FAM151A: variants seen among roughly 807,000 people sequenced by gnomAD.
FAM151A encodes family with sequence similarity 151 member A, also known as protein FAM151A.
A neutral mutation model predicts 40.4 loss-of-function variants in FAM151A; 41 were observed. The observed-to-expected ratio is 1.01, with a 90% CI of 0.79 to 1.32. FAM151A has a LOEUF of 1.32. FAM151A is among the 40% of genes most tolerant of loss of function. The probability of loss-of-function intolerance (pLI) is 0.00; values close to 1 mark genes in which losing one functional copy is unlikely to be tolerated. For synonymous variants in FAM151A, 337 were observed against 312.5 expected, an observed-to-expected ratio of 1.08 and a Z score of -0.83; for missense variants, 740 against 740.4, an observed-to-expected ratio of 1.00 and a Z score of 0.01.
chr1:54,620,876 A>AAAAAAAAAAAAC, intron 1 of FAM151A, among the ~76,000 whole-genome samples: 1 of 141,066 alleles, frequency 7.1e-6, no homozygotes, highest in Admixed American at 7.3e-5. Context: ...AAAAAAAAAA[A>AAAAAAAAAAAAC]AGGCTGGGTT....
chr1:54,620,672 A>G (rs1644220736), intron 1 of FAM151A, among the ~76,000 whole-genome samples: 2 of 142,596 alleles, frequency 1.4e-5, no homozygotes, highest in East Asian at 4.3e-4. Flanking sequence ...TGGTGAAACC[A>G]TGTCTCTACT....
intron 2 of FAM151A, among the ~76,000 whole-genome samples, chr1:54,619,086 T>C (rs1644203043): frequency 6.6e-6 from 1 of 152,186 alleles, no homozygotes. Flanking sequence ...GGAAGGAGTT[T>C]GCTTGAGCAG....
chr1:54,610,159 ACTCAGC>A (rs1644100581), intron 7 of FAM151A: 104 of 1,432,606 alleles, frequency 7.3e-5, no homozygotes, highest in Non-Finnish European at 9.1e-5. Flanking sequence ...TTTACCCATG[ACTCAGC>A]CTGGGGGCTG....
intron 3 of FAM151A, among the ~76,000 whole-genome samples, chr1:54,615,478 C>T (rs1358817979): frequency 6.6e-6 from 1 of 151,810 alleles, no homozygotes; most frequent in Non-Finnish European, 1.5e-5. Flanking sequence ...TCATGGTAGT[C>T]AAGGGAAGCC....
Position 54,614,705 on chromosome 1 carries a change from G to A in FAM151A, c.570C>T (p.Ala190=). 1.2e-6 allele frequency: 2 copies of A among 1,612,244 alleles called. No individual in the cohort carries two copies. Among genetic ancestry groups the A allele is most frequent in the Non-Finnish European group, 1.7e-6 (2 of 1,178,810 alleles). ...ACAGAGAGGCGAACACTCACTGTGT[G>A]GCATTGACCTCAGTTGAGATGAGCA... The part of the protein sequence containing the change: ...PNMLISTEVN[A]TQFLALVQEK... Residue 190 remains alanine (A), a synonymous_variant, in exon 4 of 8, where the codon GCC becomes GCT. Transcript: ENST00000302250.
chr1:54,610,430 C>T lies in FAM151A; in HGVS notation c.1066G>A (p.Ala356Thr). ...VPDVQGSGKT[A>T]TMTLPDTEGM... The stretch of plus-strand genomic sequence containing the variant: ...ACCTTACCTGGGAGGGTCATTGTTG[C>T]TGTTTTACCGCTGCCCTGGACGTCA... The change falls in exon 7 of 8, where the codon GCA (alanine) becomes ACA (threonine). Residue 356 changes from alanine (A) to threonine (T), a missense_variant. By Grantham distance (58) the Ala-to-Thr change is moderately conservative (BLOSUM62 0). Transcript: ENST00000302250. The T allele has an allele frequency of 6.2e-7, 1 of 1,613,452 alleles. No individual in the cohort carries two copies. Among genetic ancestry groups the T allele is most frequent in the Non-Finnish European group, 8.5e-7 (1 of 1,179,600 alleles).
intron 5 of FAM151A, 98 bp downstream of exon 5, chr1:54,612,388 G>T (rs374611404): frequency 1.2e-6 from 1 of 847,558 alleles, no homozygotes; most frequent in Non-Finnish European, 1.9e-6. Context: ...GGGGTTGGAC[G>T]AAATGACCTT....
Position 54,623,427 on chromosome 1 carries a change from C to T in FAM151A, c.-32G>A, listed in dbSNP as rs762877374. 71 of 1,557,350 alleles carry T rather than the reference C, an allele frequency of 4.6e-5. No homozygotes were observed. In the Admixed American group the frequency reaches 9.1e-4, roughly 20 times the overall value. ...GCTCTCTGGGGAATGCCCCCAACTC[C>T]GTGCGGCCCAGAGTCCCTGAGGCTC... On this transcript the variant is annotated 5_prime_UTR_variant, in exon 1 of 8. Coordinates refer to ENST00000302250, the MANE Select transcript of FAM151A (RefSeq NM_176782.3).
At position 54,614,716 on chromosome 1, in the gene FAM151A, C is replaced by T. The variant is rs762312924; in HGVS notation, c.559G>A (p.Glu187Lys). The T allele has an allele frequency of 6.2e-7, 1 of 1,613,612 alleles. No homozygotes were observed. The highest frequency in any genetic ancestry group is 8.5e-7 in the Non-Finnish European group (1 of 1,179,762). The change falls in exon 4 of 8, where the codon GAG becomes AAG. Residue 187 changes from glutamate (E) to lysine (K), a missense_variant. Physicochemically the swap from Glu to Lys is moderately conservative, Grantham distance 56. Transcript: ENST00000302250. ...LKGPNMLIST[E>K]VNATQFLALV... is the part of the protein sequence containing the mutation. ...AACACTCACTGTGTGGCATTGACCTCAGTTGAGATGAGCATGTTGGGGCCC... is the reference window on the plus strand; with the variant it reads ...AACACTCACTGTGTGGCATTGACCTTAGTTGAGATGAGCATGTTGGGGCCC...
Position 54,610,562 on chromosome 1 carries a change from G to A in FAM151A, c.941-7C>T, listed in dbSNP as rs1644107174. On this transcript the variant is annotated splice_region_variant and splice_polypyrimidine_tract_variant and intron_variant, in intron 6 of 7. Transcript: ENST00000302250. ...GGTTTCCGTGTGGCATTCACTGTGG[G>A]GCCCCAAATCGCCAAGGTGAAGTGG... 6.2e-7 allele frequency: 1 copy of A among 1,609,052 alleles called. No individual in the cohort carries two copies. The highest frequency in any genetic ancestry group is 8.5e-7 in the Non-Finnish European group (1 of 1,176,960).
chr1:54,617,709 A>ATTTTTTTTT lies in FAM151A; in HGVS notation c.263-1546_263-1538dup, dbSNP rs56229276. Among the ~76,000 whole-genome samples, 41 of 55,762 alleles carry ATTTTTTTTT rather than the reference A, an allele frequency of 7.4e-4. 4 individuals are homozygous for ATTTTTTTTT. The highest frequency in any genetic ancestry group is 9.1e-4 in the Non-Finnish European group (30 of 32,904). 36.6% of individuals were successfully genotyped at this position (55,762 alleles called of 152,430 possible). On this transcript the variant is annotated intron_variant, in intron 2 of 7. Transcript: ENST00000302250. ...CACTAGGTCTGCAGCAGGGCCTGAG[A>ATTTTTTTTT]TTTTTTTTTTTTTTTTTTTTTTTTT...
intron 1 of FAM151A, among the ~76,000 whole-genome samples, chr1:54,622,749 T>TTGGGGA (rs774687136): frequency 4.8e-4 from 72 of 150,642 alleles, no homozygotes; most frequent in Non-Finnish European, 9.5e-4. Flanking sequence ...TCAAAAAAAA[T>TTGGGGA]AGTTAACGGG....
At chr1:54,610,623 G>T in intron 6 of FAM151A, 68 bp from the exon 7 acceptor site, 1 of 1,569,138 alleles carries the variant, frequency 6.4e-7, no homozygotes, top group Non-Finnish European at 8.6e-7. Flanking sequence ...GGTTGCTAGG[G>T]TCCCATAGGC....
chr1:54,609,226 AGCCTCC>A lies in FAM151A; in HGVS notation c.*36_*41del, dbSNP rs750636549. 4.9e-5 allele frequency: 78 copies of A among 1,590,620 alleles called. No homozygotes were observed. Among genetic ancestry groups the A allele is most frequent in the South Asian group, 3.6e-4 (31 of 87,090 alleles). Reference sequence around the variant, plus strand: ...TATTTCTTCCTGCCTCCCCGTGGGAAGCCTCCGCCCTGAGGTCCGCTGGCCCACCAC... The same window carrying A: ...TATTTCTTCCTGCCTCCCCGTGGGAAGCCCTGAGGTCCGCTGGCCCACCAC... On this transcript the variant is annotated 3_prime_UTR_variant, in exon 8 of 8. Coordinates refer to ENST00000302250, the MANE Select transcript of FAM151A (RefSeq NM_176782.3).
intron 3 of FAM151A, 107 bp downstream of exon 3, chr1:54,615,913 G>T: frequency 8.5e-7 from 1 of 1,169,960 alleles, no homozygotes; most frequent in Non-Finnish European, 1.2e-6. Flanking sequence ...AAGGCAATGA[G>T]CACCTCGTGT....
rs1387059420 is a variant in FAM151A, at chr1:54,611,744, A to C, written c.802T>G (p.Tyr268Asp). 4 of 1,613,958 alleles carry C rather than the reference A, an allele frequency of 2.5e-6. No homozygotes were observed. In the South Asian group the frequency reaches 4.4e-5, roughly 18 times the overall value. ...GCAGCCTGCCACAGCGTCAGGCTGT[A>C]CCTGGGGACACGAGAGCTGGCTCAG... ...FSWLLSQSERYSLTLWQAASD... is the reference protein window; with the variant it reads ...FSWLLSQSERDSLTLWQAASD... The change falls in exon 6 of 8, where the codon TAC (tyrosine) becomes GAC (aspartate). Residue 268 changes from tyrosine to aspartate, a missense_variant and splice_region_variant. By Grantham distance (160) the Tyr-to-Asp change is radical. Coordinates refer to ENST00000302250, the MANE Select transcript of FAM151A (RefSeq NM_176782.3).
At chr1:54,611,250 CA>C (rs1644115051) in intron 6 of FAM151A, among the ~76,000 whole-genome samples, 2 of 152,088 alleles carry the variant, frequency 1.3e-5, no homozygotes, top group Non-Finnish European at 2.9e-5. Context: ...CCTGGCCCAA[CA>C]TGGTGAAACC....
At chr1:54,614,635 C>T in intron 4 of FAM151A, 65 bp downstream of exon 4, 3 of 1,515,668 alleles carry the variant, frequency 2.0e-6, no homozygotes, top group Non-Finnish European at 2.7e-6. Flanking sequence ...CTAAGATCCC[C>T]ATCCTGTGGT....
Position 54,616,176 on chromosome 1 carries a change from T to C in FAM151A, c.263-4A>G. 6.2e-7 allele frequency: 1 copy of C among 1,611,906 alleles called. No homozygotes were observed. The highest frequency in any genetic ancestry group is 2.2e-5 in the East Asian group (1 of 44,806). The stretch of plus-strand genomic sequence containing the variant: ...GCCTCCAGGACTGTGATGTTGCCTG[T>C]GGAAGGGGCAACAACTCAGTGAGTT... On this transcript the variant is annotated splice_polypyrimidine_tract_variant and splice_region_variant and intron_variant, in intron 2 of 7. Coordinates refer to ENST00000302250, the MANE Select transcript of FAM151A (RefSeq NM_176782.3).
Sources: allele counts gnomAD v4.1 joint callset (sites outside exome capture counted in the v4.1 genomes callset), GRCh38; gene constraint gnomAD v4.1.1; transcripts MANE v1.5; gene names NCBI Gene and HGNC (gene_info 2026-07-23, HGNC 2026-07-21).